The following WNK4 variants were observed in gnomAD, a reference collection of about 807,000 sequenced individuals.
WNK4 encodes the protein serine/threonine-protein kinase WNK4.
WNK4 carries 94 observed loss-of-function variants against 116.2 expected under a neutral mutation model. The ratio of observed to expected loss-of-function variants is 0.81; its 90% CI spans 0.68 to 0.96. The LOEUF is 0.96. WNK4 is among the 40% of genes least tolerant of loss of function. The pLI, the probability that WNK4 is intolerant of heterozygous loss-of-function variation, is 0.00. For missense variants in WNK4, 1,542 were observed against 1,650.6 expected (o/e 0.93, Z 1.14); for synonymous variants, 655 against 672.7 (o/e 0.97, Z 0.41).
In WNK4 at chr17:42,796,702, G is replaced by A. The variant is rs202219527; in HGVS notation, c.*14G>A. ...TCCCTCCAGTGAATTCAGAACAGAA[G>A]CCATGTATCTCCCCCACACCAGGGC... On this transcript the variant is annotated 3_prime_UTR_variant, in exon 19 of 19. Transcript: ENST00000246914. 6.2e-7 allele frequency: 1 copy of A among 1,614,210 alleles called. No homozygotes were observed. The highest frequency in any genetic ancestry group is 8.5e-7 in the Non-Finnish European group (1 of 1,180,034).
rs1422018572 is a variant in WNK4 at position 42,796,738 on chromosome 17, G to A, written c.*50G>A. 16 of 1,614,216 alleles carry A rather than the reference G, an allele frequency of 9.9e-6. No individual in the cohort carries two copies. The highest frequency in any genetic ancestry group is 1.2e-5 in the Non-Finnish European group (14 of 1,180,036). ...CCCCCACACCAGGGCCCACCATGGA[G>A]CTTGTGTTCTCAGAATCTGATGCTT... is the stretch of plus-strand genomic sequence containing the variant. On this transcript the variant is annotated 3_prime_UTR_variant, in exon 19 of 19. Transcript: ENST00000246914.
chr17:42,789,491 C>T (rs994955864), intron 11 of WNK4, among the ~76,000 whole-genome samples: 19 of 151,422 alleles, frequency 1.3e-4, no homozygotes, highest in Admixed American at 8.6e-4. Flanking sequence ...GGTGAAACCC[C>T]GTCTCTACTA....
Position 42,787,402 on chromosome 17 carries a change from C to T in WNK4, c.1601C>T (p.Pro534Leu). The T allele has an allele frequency of 1.2e-6, 2 of 1,614,192 alleles. No homozygotes were observed. The highest frequency in any genetic ancestry group is 1.1e-5 in the South Asian group (1 of 91,086). Reference protein sequence around the residue: ...LRKARELEALPPEPGPPPATV... With the variant: ...LRKARELEALLPEPGPPPATV... ...AAAGCAAGGGAATTGGAGGCACTCC[C>T]ACCAGAGCCAGGACCTCCACCAGCA... Residue 534 changes from proline to leucine, a missense_variant, in exon 7 of 19, where the codon CCA becomes CTA. Physicochemically the swap from Pro to Leu is moderately conservative, Grantham distance 98. Transcript: ENST00000246914.
rs387907561 is a variant in WNK4, at chr17:42,788,724, C to G, written c.2084C>G (p.Thr695Ser). 6.2e-7 allele frequency: 1 copy of G among 1,614,024 alleles called. No individual in the cohort carries two copies. The highest frequency in any genetic ancestry group is 8.5e-7 in the Non-Finnish European group (1 of 1,180,018). The change falls in exon 11 of 19, where the codon ACC (threonine) becomes AGC (serine). Residue 695 changes from threonine to serine, a missense_variant. Physicochemically the swap from Thr to Ser is moderately conservative, Grantham distance 58. Transcript: ENST00000246914. ...AGAGTGGTTGAGTGCCAGCTACAGACCCATAACAGCAAGATGGTGACCTTC... is the reference window on the plus strand; with the variant it reads ...AGAGTGGTTGAGTGCCAGCTACAGAGCCATAACAGCAAGATGGTGACCTTC... ...NDRVVECQLQ[T>S]HNSKMVTFRF...
Position 42,785,404 on chromosome 17 carries a change from G to A in WNK4, c.1398G>A (p.Gly466=). 1.3e-6 allele frequency: 2 copies of A among 1,574,824 alleles called. No homozygotes were observed. The highest frequency in any genetic ancestry group is 1.2e-5 in the South Asian group (1 of 86,248). Residue 466 remains glycine (G), a synonymous_variant, in exon 6 of 19, where the codon GGG becomes GGA. Transcript: ENST00000246914. ...GCATGGAGGACGCGCGGCGCGGGGGGCGCCCACGGGACAACCAGGCCATCG... is the reference window on the plus strand; with the variant it reads ...GCATGGAGGACGCGCGGCGCGGGGGACGCCCACGGGACAACCAGGCCATCG... The part of the protein sequence containing the change: ...WLRMEDARRG[G]RPRDNQAIEF...
chr17:42,785,539 G>A, intron 6 of WNK4, 57 bp downstream of exon 6: 1 of 1,546,384 alleles, frequency 6.5e-7, no homozygotes, highest in Non-Finnish European at 8.7e-7. Flanking sequence ...TGACTCGAGG[G>A]GACAGTGCAA....
rs147280637 is a variant in WNK4, at chr17:42,790,091, G to A, written c.2157+1294G>A. ...AAATCATCTGCCATGGGATGTGGAA[G>A]GGGGAAGGGAAAATACCTGGGAGGT... is the stretch of plus-strand genomic sequence containing the variant. On this transcript the variant is annotated intron_variant, in intron 11 of 18. Coordinates refer to ENST00000246914, the MANE Select transcript of WNK4 (RefSeq NM_032387.5). Among the ~76,000 whole-genome samples the A allele has an allele frequency of 5.8e-3, 888 of 152,250 alleles. 49 individuals are homozygous for A. The highest frequency in any genetic ancestry group is 0.054 in the Admixed American group (833 of 15,290).
rs1384205746 is a variant in WNK4 at position 42,795,986 on chromosome 17, T to C, written c.3384T>C (p.Ser1128=). The C allele has an allele frequency of 6.2e-7, 1 of 1,613,262 alleles. No homozygotes were observed. Among genetic ancestry groups the C allele is most frequent in the Non-Finnish European group, 8.5e-7 (1 of 1,179,930 alleles). Reference sequence around the variant, plus strand: ...TGAGCAGCGAGGAGTCAGAAAGCAGTGGGGAAGATGAGGAGTTCTGGGCTG... The same window carrying C: ...TGAGCAGCGAGGAGTCAGAAAGCAGCGGGGAAGATGAGGAGTTCTGGGCTG... The part of the protein sequence containing the change: ...LCLSSEESES[S]GEDEEFWAEL... The change falls in exon 16 of 19, where the codon AGT becomes AGC. Residue 1128 remains serine, a synonymous_variant. Transcript: ENST00000246914.
chr17:42,794,980 T>C lies in WNK4; in HGVS notation c.2559T>C (p.Asn853=). The stretch of plus-strand genomic sequence containing the variant: ...CCATTTCTTCCCAGGTCTCCTCAAA[T>C]CCCTCTCCACACCCCACCAGCTCTC... ...FSPISSQVSS[N]PSPHPTSSPL... Residue 853 remains asparagine, a synonymous_variant, in exon 14 of 19, where the codon AAT becomes AAC. Transcript: ENST00000246914. 1 of 1,537,330 alleles carries C rather than the reference T, an allele frequency of 6.5e-7. No homozygotes were observed. Among genetic ancestry groups the C allele is most frequent in the Non-Finnish European group, 8.8e-7 (1 of 1,136,632 alleles).
rs112963672 is a variant in WNK4, at chr17:42,787,399, T to C, written c.1598T>C (p.Leu533Pro). 3.7e-6 allele frequency: 6 copies of C among 1,614,060 alleles called. No homozygotes were observed. The highest frequency in any genetic ancestry group is 2.7e-5 in the African/African-American group (2 of 74,986). Residue 533 changes from leucine (L) to proline (P), a missense_variant, in exon 7 of 19, where the codon CTC (leucine) becomes CCC (proline). By Grantham distance (98) the Leu-to-Pro change is moderately conservative. Coordinates refer to ENST00000246914, the MANE Select transcript of WNK4 (RefSeq NM_032387.5). ...CGTAAAGCAAGGGAATTGGAGGCAC[T>C]CCCACCAGAGCCAGGACCTCCACCA... ...KLRKARELEA[L>P]PPEPGPPPAT... is the part of the protein sequence containing the mutation.
rs747895405 is a variant in WNK4 at position 42,788,644 on chromosome 17, C to A, written c.2041-37C>A. The A allele has an allele frequency of 7.2e-6, 11 of 1,535,746 alleles. No homozygotes were observed. In the Admixed American group the frequency reaches 8.3e-5, roughly 12 times the overall value. On this transcript the variant is annotated intron_variant, in intron 10 of 18. Coordinates refer to ENST00000246914, the MANE Select transcript of WNK4 (RefSeq NM_032387.5). ...TGGAGACACAGCATGATGAAGAGGGCTTGACCTTCTCCCCTCTGCTGACTT... is the reference window on the plus strand; with the variant it reads ...TGGAGACACAGCATGATGAAGAGGGATTGACCTTCTCCCCTCTGCTGACTT...
At position 42,783,953 on chromosome 17, in the gene WNK4, C is replaced by T; in HGVS notation, c.808C>T (p.Arg270Trp). 1 of 1,613,614 alleles carries T rather than the reference C, an allele frequency of 6.2e-7. No individual in the cohort carries two copies. The highest frequency in any genetic ancestry group is 2.2e-5 in the East Asian group (1 of 44,870). Reference sequence around the variant, plus strand: ...CTCCCCCAGGTACCTGAGGCGGTTCCGGGAGATGAAGCCGCGGGTCCTTCA... The same window carrying T: ...CTCCCCCAGGTACCTGAGGCGGTTCTGGGAGATGAAGCCGCGGGTCCTTCA... ...GTLKTYLRRF[R>W]EMKPRVLQRW... is the part of the protein sequence containing the mutation. Residue 270 changes from arginine (R) to tryptophan (W), a missense_variant, in exon 3 of 19, where the codon CGG (arginine) becomes TGG (tryptophan). Physicochemically the swap from Arg to Trp is moderately radical, Grantham distance 101 (BLOSUM62 -3). Around this residue, in one of 7 missense-constraint regions of WNK4, gnomAD observed 808 missense variants for 873.6 expected, o/e 0.92. Coordinates refer to ENST00000246914, the MANE Select transcript of WNK4 (RefSeq NM_032387.5).
At position 42,781,277 on chromosome 17, in the gene WNK4, C is replaced by T. The variant is rs759429645; in HGVS notation, c.579C>T (p.Asp193=). Residue 193 remains aspartate (D), a synonymous_variant, in exon 1 of 19, where the codon GAC becomes GAT. Transcript: ENST00000246914. The part of the protein sequence containing the change: ...GSFKTVYRGL[D]TDTTVEVAWC... ...TCAAGACGGTGTATCGAGGGCTAGA[C>T]ACCGACACCACAGTGGAGGTGGCCT... 2 of 1,614,196 alleles carry T rather than the reference C, an allele frequency of 1.2e-6. No individual in the cohort carries two copies. The highest frequency in any genetic ancestry group is 1.1e-5 in the South Asian group (1 of 91,074).
rs368331938 is a variant in WNK4, at chr17:42,793,816, T to G, written c.2295+87T>G. On this transcript the variant is annotated intron_variant, in intron 12 of 18. Coordinates refer to ENST00000246914, the MANE Select transcript of WNK4 (RefSeq NM_032387.5). ...CTCTGCCCTCAGCGGTCCCCTTGGA[T>G]TTAACTCCTCTTCATCTCTGGGACC... The G allele has an allele frequency of 7.5e-5, 116 of 1,554,458 alleles. No individual in the cohort carries two copies. In the South Asian group the frequency reaches 1.2e-3, roughly 16 times the overall value.
At chr17:42,787,190 C>T (rs537282775) in intron 6 of WNK4, 88 bp from the exon 7 acceptor site, 1 of 1,578,948 alleles carries the variant, frequency 6.3e-7, no homozygotes, top group Non-Finnish European at 8.6e-7. Context: ...TTCTTCCTCC[C>T]ATATCCTGGA....
intron 12 of WNK4, chr17:42,794,364 T>C (rs1388678173): frequency 8.9e-6 from 5 of 564,532 alleles, no homozygotes; most frequent in Non-Finnish European, 1.6e-5. Context: ...CTTAGCGTCA[T>C]CATTGTCTCT....
chr17:42,785,632 C>G (rs1316832970), intron 6 of WNK4, 150 bp downstream of exon 6: 1 of 1,018,416 alleles, frequency 9.8e-7, no homozygotes, highest in Non-Finnish European at 1.5e-6. Context: ...GTCTCCCTAC[C>G]TCTCCAGCCC....
chr17:42,790,555 A>G (rs2054597873), intron 11 of WNK4, among the ~76,000 whole-genome samples: 1 of 152,194 alleles, frequency 6.6e-6, no homozygotes, highest in Non-Finnish European at 1.5e-5. Context: ...GAGCCGGCAA[A>G]GCCAGAGACA....
chr17:42,796,400 G>A, intron 17 of WNK4, 78 bp downstream of exon 17: 2 of 1,613,392 alleles, frequency 1.2e-6, no homozygotes, highest in South Asian at 1.1e-5. Flanking sequence ...GGCCCTGGGG[G>A]TCTGCCCCGG....
Sources: gnomAD v4.1 joint callset for allele counts (sites outside exome capture counted in the v4.1 genomes callset) on GRCh38, gnomAD v4.1.1 for gene constraint, gnomAD v4.1.1 regional missense constraint, MANE v1.5 for transcripts, NCBI Gene and HGNC (gene_info 2026-07-23, HGNC 2026-07-21) for gene names.